RCAN2: variants seen among roughly 807,000 people sequenced by gnomAD.
RCAN2 encodes calcipressin-2.
Under a neutral mutation model 23.6 loss-of-function variants are expected in RCAN2, and 9 were observed. The ratio of observed to expected loss-of-function variants is 0.38; its 90% CI spans 0.23 to 0.67. RCAN2 has a LOEUF of 0.67. Ranked by LOEUF, RCAN2 falls within the 30% of genes least tolerant of loss-of-function variation. RCAN2 has a pLI of 0.51. For missense variants in RCAN2, 273 were observed against 302.3 expected (o/e 0.90, Z 0.72); for synonymous variants, 109 against 115.7 (o/e 0.94, Z 0.37).
At chr6:46,429,787 G>A (rs1767135100) in intron 2 of RCAN2, among the ~76,000 whole-genome samples, 2 of 152,148 alleles carry the variant, frequency 1.3e-5, no homozygotes, top group Admixed American at 1.3e-4. Flanking sequence ...GCGCTCTGAA[G>A]GAAAGAAGCA....
intron 2 of RCAN2, among the ~76,000 whole-genome samples, chr6:46,446,322 G>A (rs1274314744): frequency 6.9e-6 from 1 of 145,288 alleles, no homozygotes; most frequent in African/African-American, 2.5e-5. Flanking sequence ...GTGCTGGGGG[G>A]AAACTGCCAA....
intron 2 of RCAN2, among the ~76,000 whole-genome samples, chr6:46,321,709 G>T (rs1421578254): frequency 6.6e-6 from 1 of 152,206 alleles, no homozygotes; most frequent in East Asian, 1.9e-4. Context: ...GCTCTGAGAA[G>T]GCCCCCCACA....
intron 2 of RCAN2, among the ~76,000 whole-genome samples, chr6:46,262,272 C>T (rs1767134370): frequency 6.6e-6 from 1 of 152,114 alleles, no homozygotes; most frequent in East Asian, 1.9e-4. Flanking sequence ...CTTTCTCCCT[C>T]ACTTCCACAT....
At position 46,456,958 on chromosome 6, in the gene RCAN2, A is replaced by C; in HGVS notation, c.19T>G (p.Phe7Val). 3.2e-6 allele frequency: 5 copies of C among 1,550,602 alleles called. No individual in the cohort carries two copies. Among genetic ancestry groups the C allele is most frequent in the Non-Finnish European group, 4.4e-6 (5 of 1,146,734 alleles). The change falls in exon 2 of 5, where the codon TTC becomes GTC. Residue 7 changes from phenylalanine to valine, a missense_variant. Phe to Val is a conservative substitution (Grantham distance 50). Transcript: ENST00000371374. ...TGCCCTGGGCTCCTCATTCCGATGA[A>C]GTATGATTCTCCCCTCATTCCTGGG... is the stretch of plus-strand genomic sequence containing the variant. Reference protein sequence around the residue: MRGESYFIGMRSPGQQG... With the variant: MRGESYVIGMRSPGQQG...
chr6:46,389,917 A>C (rs1455899491), intron 2 of RCAN2, among the ~76,000 whole-genome samples: 1 of 152,150 alleles, frequency 6.6e-6, no homozygotes, highest in African/African-American at 2.4e-5. Context: ...CTATTCTGTA[A>C]GAAGAAGTAA....
intron 2 of RCAN2, among the ~76,000 whole-genome samples, chr6:46,375,828 T>C (rs537307436): frequency 4.2e-4 from 64 of 152,368 alleles, no homozygotes; most frequent in Non-Finnish European, 8.1e-4. Context: ...CTGAATTTCA[T>C]AGAATTTTCA....
chr6:46,385,857 T>C, intron 2 of RCAN2, among the ~76,000 whole-genome samples: 1 of 42,630 alleles, frequency 2.3e-5, no homozygotes, highest in Non-Finnish European at 4.1e-5. Context: ...ACTCTCTCTC[T>C]CTCAAAAAAA....
chr6:46,456,691 G>A, intron 2 of RCAN2, 61 bp downstream of exon 2: 5 of 1,231,508 alleles, frequency 4.1e-6, no homozygotes, highest in Non-Finnish European at 5.8e-6. Flanking sequence ...ATGAACAACA[G>A]GATTACTTGG....
chr6:46,292,482 A>G (rs1762601112), intron 2 of RCAN2, among the ~76,000 whole-genome samples: 1 of 148,532 alleles, frequency 6.7e-6, no homozygotes, highest in African/African-American at 2.5e-5. Context: ...GCACAGCAAA[A>G]TTTTTCCAAT....
At chr6:46,437,825 AAAT>A (rs1767417498) in intron 2 of RCAN2, among the ~76,000 whole-genome samples, 1 of 152,196 alleles carries the variant, frequency 6.6e-6, no homozygotes, top group African/African-American at 2.4e-5. Flanking sequence ...AGCTGCCTAA[AAAT>A]AATGATGACT....
In RCAN2 at chr6:46,385,828, G is replaced by A. The variant is rs1161243683; in HGVS notation, c.225+70924C>T. Among the ~76,000 whole-genome samples, 10 of 121,424 alleles carry A rather than the reference G, an allele frequency of 8.2e-5. No homozygotes were observed. The South Asian group carries it at 2.1e-3, about 26-fold the overall frequency. The allele number at this position is 121,424 out of a possible 152,430, so 79.7% of individuals were successfully genotyped here. On this transcript the variant is annotated intron_variant, in intron 2 of 4. Transcript: ENST00000371374. ...GCCAAGATCATGCCATTGCACTCCA[G>A]CCTGGGCAGCAAAACAAGACTCTCT...
At chr6:46,266,828 A>G (rs1434709872) in intron 2 of RCAN2, among the ~76,000 whole-genome samples, 1 of 152,170 alleles carries the variant, frequency 6.6e-6, no homozygotes, top group East Asian at 1.9e-4. Flanking sequence ...AAAGATGCAA[A>G]GCACAGAGCA....
At chr6:46,394,862 A>G (rs1766044175) in intron 2 of RCAN2, among the ~76,000 whole-genome samples, 1 of 152,232 alleles carries the variant, frequency 6.6e-6, no homozygotes, top group African/African-American at 2.4e-5. Context: ...AACAAGATGG[A>G]AGCAGTGGAC....
chr6:46,269,166 C>T (rs1464182325), intron 2 of RCAN2, among the ~76,000 whole-genome samples: 1 of 152,188 alleles, frequency 6.6e-6, no homozygotes, highest in Non-Finnish European at 1.5e-5. Context: ...CTTCAGCATT[C>T]CTAGTTGGAT....
intron 2 of RCAN2, among the ~76,000 whole-genome samples, chr6:46,450,642 G>T (rs949005818): frequency 6.6e-6 from 1 of 151,964 alleles, no homozygotes; most frequent in African/African-American, 2.4e-5. Context: ...GCACAACATG[G>T]ATGAAAATGC....
At chr6:46,323,046 G>C (rs1415081643) in intron 2 of RCAN2, among the ~76,000 whole-genome samples, 1 of 152,152 alleles carries the variant, frequency 6.6e-6, no homozygotes, top group Non-Finnish European at 1.5e-5. Flanking sequence ...AAAATGGAAA[G>C]CCATGTTTTC....
intron 1 of RCAN2, among the ~76,000 whole-genome samples, chr6:46,487,330 TG>T (rs1769022575): frequency 6.6e-6 from 1 of 152,250 alleles, no homozygotes; most frequent in Non-Finnish European, 1.5e-5. Context: ...TTTAATGTGC[TG>T]TGTGTTTTTA....
At chr6:46,344,452 A>G (rs1426882978) in intron 2 of RCAN2, among the ~76,000 whole-genome samples, 1 of 151,652 alleles carries the variant, frequency 6.6e-6, no homozygotes, top group Non-Finnish European at 1.5e-5. Context: ...CCTTCTTATT[A>G]TATTTATTTT....
intron 2 of RCAN2, among the ~76,000 whole-genome samples, chr6:46,314,525 A>C (rs1318439218): frequency 6.6e-6 from 1 of 152,044 alleles, no homozygotes; most frequent in African/African-American, 2.4e-5. Flanking sequence ...CAAAAAACAA[A>C]AAAAAAAACT....
Sources: gnomAD v4.1 joint callset for allele counts (sites outside exome capture counted in the v4.1 genomes callset) on GRCh38, gnomAD v4.1.1 for gene constraint, MANE v1.5 for transcripts, NCBI Gene and HGNC (gene_info 2026-07-23, HGNC 2026-07-21) for gene names.